CMC1: variants seen among roughly 807,000 people sequenced by gnomAD.
The protein encoded by CMC1 is C-X9-C motif containing 1.
A neutral mutation model predicts 14.1 loss-of-function variants in CMC1; 14 were observed. That is an observed-to-expected ratio of 0.99 (90% CI 0.66 to 1.55). The LOEUF (loss-of-function observed/expected upper bound fraction) is 1.55, where lower values mean the gene tolerates loss of function less well. Among genes scored for constraint, CMC1 ranks in the 40% most tolerant of loss-of-function variants. The probability of loss-of-function intolerance (pLI) is 0.00; values close to 1 mark genes in which losing one functional copy is unlikely to be tolerated. For missense variants in CMC1, 127 were observed against 123.8 expected, an observed-to-expected ratio of 1.03 and a Z score of -0.12; for synonymous variants, 50 against 38.4, an observed-to-expected ratio of 1.30 and a Z score of -1.12.
chr3:28,284,897 C>T (rs538456528), intron 2 of CMC1, among the ~76,000 whole-genome samples: 4 of 152,272 alleles, frequency 2.6e-5, no homozygotes, highest in African/African-American at 4.8e-5. Flanking sequence ...CTCTGGCAGC[C>T]GTAAACCTTG....
intron 1 of CMC1, among the ~76,000 whole-genome samples, chr3:28,251,128 G>C (rs967911889): frequency 6.6e-6 from 1 of 152,174 alleles, no homozygotes; most frequent in Non-Finnish European, 1.5e-5. Context: ...AGAAAGAAGT[G>C]TATTTAGCTC....
At chr3:28,241,945 T>G in intron 1 of CMC1, 133 bp downstream of exon 1, 2 of 930,216 alleles carry the variant, frequency 2.2e-6, no homozygotes, top group African/African-American at 1.7e-5. Flanking sequence ...CGTCTCCTCA[T>G]ACCCGGCGGC....
chr3:28,263,409 A>G (rs1194695137), intron 2 of CMC1, 29 bp downstream of exon 2: 1 of 1,394,502 alleles, frequency 7.2e-7, no homozygotes, highest in South Asian at 1.3e-5. Context: ...TGTAAAGATC[A>G]AATTTATTTT....
At chr3:28,242,821 C>G (rs558684091) in intron 1 of CMC1, among the ~76,000 whole-genome samples, 4 of 152,140 alleles carry the variant, frequency 2.6e-5, no homozygotes, top group African/African-American at 9.6e-5. Flanking sequence ...TCATTTTGGA[C>G]TAGGTGGTTA....
In CMC1 at chr3:28,278,397, ATC is replaced by A. The variant is rs1284342714; in HGVS notation, c.109+15023_109+15024del. 3.3e-5 allele frequency among the ~76,000 whole-genome samples: 5 copies of A among 152,160 alleles called. No homozygotes were observed. The East Asian group carries it at 5.8e-4, about 18-fold the overall frequency. ...ACCACTTTATCAGACAGTAGTAAAAATCTCTCTTATAAAGGGAAACAAAGGAG... is the reference window on the plus strand; with the variant it reads ...ACCACTTTATCAGACAGTAGTAAAAATCTCTTATAAAGGGAAACAAAGGAG... On this transcript the variant is annotated intron_variant, in intron 2 of 3. Coordinates refer to ENST00000466830, the MANE Select transcript of CMC1 (RefSeq NM_182523.2).
chr3:28,255,416 G>T (rs916163460), intron 1 of CMC1, among the ~76,000 whole-genome samples: 2 of 151,112 alleles, frequency 1.3e-5, no homozygotes, highest in Non-Finnish European at 3.0e-5. Flanking sequence ...GATTTTTGTA[G>T]TTTTTTTTCA....
rs117216340 is a variant in CMC1 at position 28,253,163 on chromosome 3, C to T, written c.20-10128C>T. Among the ~76,000 whole-genome samples, 3 of 152,282 alleles carry T rather than the reference C, an allele frequency of 2.0e-5. No homozygotes were observed. In the East Asian group the frequency reaches 5.8e-4, roughly 29 times the overall value. ...TGCTGTTGAGAAAAACTGGAGTCTG[C>T]CTAGATTCCTGGTGTGAAGCACTTA... On this transcript the variant is annotated intron_variant, in intron 1 of 3. Coordinates refer to ENST00000466830, the MANE Select transcript of CMC1 (RefSeq NM_182523.2).
rs994890405 is a variant in CMC1 at position 28,241,878 on chromosome 3, G to A, written c.19+66G>A. 23 of 1,228,896 alleles carry A rather than the reference G, an allele frequency of 1.9e-5. 1 individual carries two copies. The African/African-American group carries it at 2.8e-4, about 15-fold the overall frequency. The allele number at this position is 1,228,896 out of a possible 1,614,324, so 76.1% of individuals were successfully genotyped here. A position where few individuals can be genotyped will look rare whatever the true frequency, so the allele number is the denominator to read the frequency against. Reference sequence around the variant, plus strand: ...CCGGGTCTCACGCCGCGGGCCATGCGGGCTGGATGCCGACCTGGGAAAGGT... The same window carrying A: ...CCGGGTCTCACGCCGCGGGCCATGCAGGCTGGATGCCGACCTGGGAAAGGT... On this transcript the variant is annotated intron_variant, in intron 1 of 3. Transcript: ENST00000466830.
intron 2 of CMC1, among the ~76,000 whole-genome samples, chr3:28,310,793 G>A (rs1702597455): frequency 6.6e-6 from 1 of 152,184 alleles, no homozygotes; most frequent in South Asian, 2.1e-4. Context: ...TTTTGTGGAA[G>A]ACACTTTTCC....
intron 2 of CMC1, among the ~76,000 whole-genome samples, chr3:28,276,978 C>T (rs1700619199): frequency 6.6e-6 from 1 of 152,130 alleles, no homozygotes; most frequent in African/African-American, 2.4e-5. Flanking sequence ...CAGCACATGA[C>T]AGCAATGTGT....
intron 2 of CMC1, among the ~76,000 whole-genome samples, chr3:28,268,838 A>C (rs999890986): frequency 2.0e-5 from 3 of 152,206 alleles, no homozygotes; most frequent in Non-Finnish European, 2.9e-5. Context: ...ATACAGCTGA[A>C]TTATTTTAAA....
intron 2 of CMC1, among the ~76,000 whole-genome samples, chr3:28,313,589 A>G (rs1702747498): frequency 6.6e-6 from 1 of 152,220 alleles, no homozygotes. Context: ...AAAGGTCCTC[A>G]TTAAAATCTT....
At chr3:28,314,573 T>C (rs1201827176) in intron 2 of CMC1, among the ~76,000 whole-genome samples, 1 of 152,234 alleles carries the variant, frequency 6.6e-6, no homozygotes, top group African/African-American at 2.4e-5. Flanking sequence ...ACTAATCCTG[T>C]GTGTCCTTGA....
At chr3:28,283,813 A>T (rs887015524) in intron 2 of CMC1, among the ~76,000 whole-genome samples, 1 of 152,088 alleles carries the variant, frequency 6.6e-6, no homozygotes, top group Non-Finnish European at 1.5e-5. Context: ...ATTTCTTGTC[A>T]CTCACCTACA....
At chr3:28,242,668 G>A (rs1698592375) in intron 1 of CMC1, among the ~76,000 whole-genome samples, 1 of 152,170 alleles carries the variant, frequency 6.6e-6, no homozygotes, top group African/African-American at 2.4e-5. Context: ...ATAATATGTG[G>A]TATGGTAGGT....
At chr3:28,311,677 G>A (rs755375817) in intron 2 of CMC1, among the ~76,000 whole-genome samples, 23 of 152,128 alleles carry the variant, frequency 1.5e-4, no homozygotes, top group Non-Finnish European at 2.8e-4. Flanking sequence ...CTTAGGCGTC[G>A]TCTATAGGGA....
At chr3:28,281,936 A>G (rs990693732) in intron 2 of CMC1, among the ~76,000 whole-genome samples, 2 of 152,138 alleles carry the variant, frequency 1.3e-5, no homozygotes, top group African/African-American at 4.8e-5. Context: ...CCAGTGGTGC[A>G]TTAGGGGATT....
intron 1 of CMC1, among the ~76,000 whole-genome samples, chr3:28,242,432 AGAT>A (rs1470398527): frequency 1.1e-4 from 17 of 152,316 alleles, no homozygotes; most frequent in African/African-American, 3.6e-4. Flanking sequence ...GCAAGGGAAT[AGAT>A]AACATTTTTG....
chr3:28,258,786 A>AT (rs1347857559), intron 1 of CMC1, among the ~76,000 whole-genome samples: 1 of 151,210 alleles, frequency 6.6e-6, no homozygotes, highest in Non-Finnish European at 1.5e-5. Flanking sequence ...AGTCCGGGTC[A>AT]TTTTTTATAT....
Sources: gnomAD v4.1 joint callset for allele counts (sites outside exome capture counted in the v4.1 genomes callset) on GRCh38, gnomAD v4.1.1 for gene constraint, MANE v1.5 for transcripts, NCBI Gene and HGNC (gene_info 2026-07-23, HGNC 2026-07-21) for gene names.